The following TPD52L1 variants were observed in gnomAD, a reference collection of about 807,000 sequenced individuals.
TPD52L1 encodes the protein TPD52 like 1.
A neutral mutation model predicts 28.7 loss-of-function variants in TPD52L1; 18 were observed. The ratio of observed to expected loss-of-function variants is 0.63; its 90% CI spans 0.43 to 0.93. The LOEUF is 0.93. Among genes scored for constraint, TPD52L1 ranks in the 40% least tolerant of loss-of-function variants. The pLI is 0.00. For missense variants in TPD52L1, 203 were observed against 254.8 expected (o/e 0.80, Z 1.39); for synonymous variants, 75 against 88.8 (o/e 0.84, Z 0.88).
intron 1 of TPD52L1, among the ~76,000 whole-genome samples, chr6:125,155,988 G>C (rs902712377): frequency 7.2e-5 from 11 of 152,166 alleles, no homozygotes; most frequent in Non-Finnish European, 1.6e-4. Context: ...TGGATGCTGT[G>C]AGGGACCCAT....
intron 1 of TPD52L1, among the ~76,000 whole-genome samples, chr6:125,202,860 G>A (rs1015891149): frequency 2.7e-5 from 4 of 145,834 alleles, no homozygotes; most frequent in Non-Finnish European, 4.4e-5. Context: ...CTGCCTCCCC[G>A]GTTCAAGCAA....
chr6:125,217,450 G>A (rs949917124), intron 1 of TPD52L1, among the ~76,000 whole-genome samples: 7 of 152,178 alleles, frequency 4.6e-5, no homozygotes, highest in South Asian at 2.1e-4. Context: ...TAAGGAGCAC[G>A]CAAGCTAGAT....
In TPD52L1 at chr6:125,264,103, A is replaced by C. The variant is rs1217820099; in HGVS notation, c.*1141A>C. 6.6e-6 allele frequency: 1 copy of C among 152,224 alleles called. No homozygotes were observed. Among genetic ancestry groups the C allele is most frequent in the African/African-American group, 2.4e-5 (1 of 41,462 alleles). 9.4% of individuals were successfully genotyped at this position (152,224 alleles called of 1,614,324 possible). ...GTAAATTGTTCACATGTATGAAAAT[A>C]ACTGGTATTTATCAATCCACTCAGA... On this transcript the variant is annotated 3_prime_UTR_variant, in exon 7 of 7. Coordinates refer to ENST00000534000, the MANE Select transcript of TPD52L1 (RefSeq NM_003287.4).
At chr6:125,259,682 T>C (rs572151344) in intron 6 of TPD52L1, among the ~76,000 whole-genome samples, 3 of 152,316 alleles carry the variant, frequency 2.0e-5, no homozygotes, top group Admixed American at 1.3e-4. Context: ...TTTTGATAAA[T>C]ACATTATATG....
In TPD52L1 at chr6:125,153,949, A is replaced by C. The variant is rs774692410; in HGVS notation, c.-3A>C. 5 of 1,607,266 alleles carry C rather than the reference A, an allele frequency of 3.1e-6. No homozygotes were observed. In the African/African-American group the frequency reaches 6.7e-5, roughly 21 times the overall value. ...CGCCGCCCTCAGCTCGAAGTCAGCCACCATGGAGGCGCAGGCACAAGGTGA... is the reference window on the plus strand; with the variant it reads ...CGCCGCCCTCAGCTCGAAGTCAGCCCCCATGGAGGCGCAGGCACAAGGTGA... On this transcript the variant is annotated 5_prime_UTR_variant, in exon 1 of 7. Coordinates refer to ENST00000534000, the MANE Select transcript of TPD52L1 (RefSeq NM_003287.4).
At chr6:125,206,561 G>A (rs970938649) in intron 1 of TPD52L1, among the ~76,000 whole-genome samples, 1 of 152,160 alleles carries the variant, frequency 6.6e-6, no homozygotes. Context: ...AATAGAACAT[G>A]ACTGAGGAAT....
intron 1 of TPD52L1, among the ~76,000 whole-genome samples, chr6:125,201,944 T>C (rs1793821176): frequency 6.6e-6 from 1 of 152,218 alleles, no homozygotes; most frequent in Non-Finnish European, 1.5e-5. Context: ...GCTAAAGATT[T>C]GATAAGAGAC....
At chr6:125,214,827 A>C (rs1794756156) in intron 1 of TPD52L1, among the ~76,000 whole-genome samples, 1 of 152,196 alleles carries the variant, frequency 6.6e-6, no homozygotes, top group African/African-American at 2.4e-5. Context: ...TAGCATTTTC[A>C]AGTATATTAT....
At chr6:125,191,181 G>A (rs1793014374) in intron 1 of TPD52L1, among the ~76,000 whole-genome samples, 1 of 152,112 alleles carries the variant, frequency 6.6e-6, no homozygotes, top group Admixed American at 6.6e-5. Flanking sequence ...TTCTTGCTGT[G>A]GAGTTGCGTT....
intron 1 of TPD52L1, chr6:125,203,813 T>C (rs897050063): frequency 3.0e-6 from 3 of 985,262 alleles, no homozygotes; most frequent in Non-Finnish European, 3.6e-6. Flanking sequence ...CTGGCTTTCA[T>C]TGTAGAAAAC....
At chr6:125,164,297 A>T (rs1790735626) in intron 1 of TPD52L1, among the ~76,000 whole-genome samples, 1 of 152,200 alleles carries the variant, frequency 6.6e-6, no homozygotes. Context: ...GATCTTTAAG[A>T]GTAAGCCTTG....
intron 4 of TPD52L1, among the ~76,000 whole-genome samples, chr6:125,250,812 GTTA>G (rs1797221394): frequency 6.6e-6 from 1 of 152,086 alleles, no homozygotes; most frequent in African/African-American, 2.4e-5. Context: ...CTTTCCATTT[GTTA>G]TTATCCCATG....
chr6:125,194,076 G>T (rs1254375867), intron 1 of TPD52L1, among the ~76,000 whole-genome samples: 11 of 149,374 alleles, frequency 7.4e-5, no homozygotes, highest in African/African-American at 1.7e-4. Context: ...AAAGGACAAG[G>T]CCCCATGCTT....
intron 3 of TPD52L1, among the ~76,000 whole-genome samples, chr6:125,233,208 A>C (rs1796056569): frequency 6.6e-6 from 1 of 152,226 alleles, no homozygotes; most frequent in Admixed American, 6.5e-5. Context: ...AAACTATTCC[A>C]TCTTTTTGAA....
intron 3 of TPD52L1, among the ~76,000 whole-genome samples, chr6:125,231,881 C>T (rs1047692809): frequency 1.3e-5 from 2 of 152,054 alleles, no homozygotes; most frequent in Non-Finnish European, 2.9e-5. Context: ...AATGCCGATC[C>T]CATAGGTAGT....
At position 125,246,683 on chromosome 6, in the gene TPD52L1, G is replaced by C. The variant is rs533452716; in HGVS notation, c.285-1599G>C. Among the ~76,000 whole-genome samples the C allele has an allele frequency of 5.1e-4, 77 of 152,098 alleles. No individual in the cohort carries two copies. In the Middle Eastern group the frequency reaches 0.014, roughly 27 times the overall value. ...ACCTTCAGAGAAAAAAAGAAATTAA[G>C]CAAACTTCCTAAAAGCTGTTCATTT... On this transcript the variant is annotated intron_variant, in intron 3 of 6. Coordinates refer to ENST00000534000, the MANE Select transcript of TPD52L1 (RefSeq NM_003287.4).
intron 1 of TPD52L1, among the ~76,000 whole-genome samples, chr6:125,167,227 A>G (rs1790973799): frequency 6.6e-6 from 1 of 152,178 alleles, no homozygotes. Flanking sequence ...CCTGGGTGAC[A>G]GAGCAAGACC....
intron 5 of TPD52L1, among the ~76,000 whole-genome samples, chr6:125,255,726 T>A (rs2115056446): frequency 6.7e-6 from 1 of 149,692 alleles, no homozygotes; most frequent in Non-Finnish European, 1.5e-5. Flanking sequence ...AGGCCATTCC[T>A]CTTATTTTAC....
chr6:125,236,478 A>G (rs1391167777), intron 3 of TPD52L1, among the ~76,000 whole-genome samples: 1 of 152,132 alleles, frequency 6.6e-6, no homozygotes, highest in African/African-American at 2.4e-5. Flanking sequence ...TCAGAATGTC[A>G]CACACACACA....
Sources: gnomAD v4.1 joint callset for allele counts (sites outside exome capture counted in the v4.1 genomes callset) on GRCh38, gnomAD v4.1.1 for gene constraint, MANE v1.5 for transcripts, NCBI Gene and HGNC (gene_info 2026-07-23, HGNC 2026-07-21) for gene names.